The following CCDC141 variants were observed in gnomAD, a reference collection of about 807,000 sequenced individuals.
CCDC141 encodes the protein coiled-coil domain containing 141, also known as coiled-coil domain-containing protein 141.
Under a neutral mutation model 181.0 loss-of-function variants are expected in CCDC141, and 168 were observed. The observed-to-expected ratio is 0.93, with a 90% confidence interval of 0.82 to 1.05. The LOEUF is 1.05. Among genes scored for constraint, CCDC141 ranks in the 50% least tolerant of loss-of-function variants. The pLI is 0.00. For synonymous variants in CCDC141, 666 were observed against 642.3 expected (o/e 1.04, Z -0.56); for missense variants, 1,902 against 1,788.5 (o/e 1.06, Z -1.14).
chr2:178,847,799 T>C (rs1685003688), intron 21 of CCDC141, among the ~76,000 whole-genome samples: 1 of 152,136 alleles, frequency 6.6e-6, no homozygotes. Context: ...ATGATGCCTT[T>C]GGGAAGTGAT....
chr2:178,900,121 G>A (rs966208556), intron 8 of CCDC141, among the ~76,000 whole-genome samples: 21 of 151,974 alleles, frequency 1.4e-4, no homozygotes, highest in African/African-American at 4.4e-4. Flanking sequence ...ATAATATCTC[G>A]AGGAAACCAA....
intron 8 of CCDC141, among the ~76,000 whole-genome samples, chr2:178,896,387 C>T (rs534789953): frequency 4.3e-4 from 66 of 152,236 alleles, no homozygotes; most frequent in African/African-American, 1.3e-3. Flanking sequence ...CCTGACTGGA[C>T]GCGGGACAGG....
chr2:178,883,073 A>C (rs1229198822), intron 11 of CCDC141, among the ~76,000 whole-genome samples: 1 of 152,220 alleles, frequency 6.6e-6, no homozygotes, highest in African/African-American at 2.4e-5. Flanking sequence ...TGCAAAGCTA[A>C]GCCTCCTGGT....
At chr2:178,955,129 C>T (rs1003276002) in intron 5 of CCDC141, among the ~76,000 whole-genome samples, 2 of 151,956 alleles carry the variant, frequency 1.3e-5, no homozygotes, top group Non-Finnish European at 2.9e-5. Flanking sequence ...TACTAAAATA[C>T]AAAAAATATA....
At position 179,013,252 on chromosome 2, in the gene CCDC141, A is replaced by G. The variant is rs145798100; in HGVS notation, c.225+34032T>C. Among the ~76,000 whole-genome samples the G allele has an allele frequency of 2.3e-3, 356 of 152,288 alleles. 1 individual carries two copies. The highest frequency in any genetic ancestry group is 8.3e-3 in the African/African-American group (344 of 41,574). ...CTCCAGAAAGCTCCTAGAACTGATA[A>G]AAGAATGCAGCAAAGTTTCCAGATA... On this transcript the variant is annotated intron_variant, in intron 2 of 23. Transcript: ENST00000443758.
chr2:178,864,082 C>T (rs1685733648), intron 17 of CCDC141, among the ~76,000 whole-genome samples: 1 of 152,192 alleles, frequency 6.6e-6, no homozygotes, highest in Non-Finnish European at 1.5e-5. Flanking sequence ...GAAACGGAGC[C>T]AGAGGGGGCT....
intron 2 of CCDC141, among the ~76,000 whole-genome samples, chr2:178,999,349 T>C (rs914833572): frequency 6.6e-6 from 1 of 152,088 alleles, no homozygotes; most frequent in East Asian, 1.9e-4. Flanking sequence ...ATTTGAACCC[T>C]TTCCTTTCTC....
At chr2:178,823,805 C>A in the CCDC141 span, among the ~76,000 whole-genome samples, 34,175 of 152,046 alleles carry the variant, frequency 0.22, 6,463 homozygotes, top group East Asian at 0.74. Context: ...TCTTGTTTGA[C>A]ATATACAGAT....
chr2:179,041,870 T>C (rs2043317293), intron 2 of CCDC141, among the ~76,000 whole-genome samples: 1 of 152,198 alleles, frequency 6.6e-6, no homozygotes, highest in African/African-American at 2.4e-5. Flanking sequence ...CTGAATATCC[T>C]AAATATATAT....
At chr2:178,904,760 C>T (rs1333736961) in intron 8 of CCDC141, among the ~76,000 whole-genome samples, 1 of 152,114 alleles carries the variant, frequency 6.6e-6, no homozygotes, top group Admixed American at 6.5e-5. Flanking sequence ...GCCCACTAAG[C>T]TCAACATTGA....
At chr2:179,015,569 C>CATATATCTCAT (rs1205827478) in intron 2 of CCDC141, among the ~76,000 whole-genome samples, 18 of 46,642 alleles carry the variant, frequency 3.9e-4, no homozygotes, top group African/African-American at 1.1e-3. Flanking sequence ...ATATATATCT[C>CATATATCTCAT]ATATATCTCA....
chr2:179,042,303 C>T (rs2043331340), intron 2 of CCDC141, among the ~76,000 whole-genome samples: 1 of 152,174 alleles, frequency 6.6e-6, no homozygotes, highest in Admixed American at 6.5e-5. Flanking sequence ...CAATGTGCCC[C>T]AGGATGACTC....
At chr2:179,013,179 CCT>C (rs768872364) in intron 2 of CCDC141, among the ~76,000 whole-genome samples, 2 of 152,000 alleles carry the variant, frequency 1.3e-5, no homozygotes, top group Non-Finnish European at 2.9e-5. Context: ...TCAAACTGCC[CCT>C]GTTTGCTGAC....
At position 178,843,016 on chromosome 2, in the gene CCDC141, C is replaced by T. The variant is rs536646212; in HGVS notation, c.3474+2610G>A. The stretch of plus-strand genomic sequence containing the variant: ...GGGGGAGTGCAGGGACCCTCCTCAC[C>T]TAGTCTGATAAGAGCACTCCACTGA... On this transcript the variant is annotated intron_variant, in intron 22 of 23. Transcript: ENST00000443758. 2.1e-3 allele frequency among the ~76,000 whole-genome samples: 313 copies of T among 152,180 alleles called. 1 individual carries two copies. The highest frequency in any genetic ancestry group is 7.0e-3 in the African/African-American group (292 of 41,506).
At chr2:179,016,203 T>G (rs1575351453) in intron 2 of CCDC141, among the ~76,000 whole-genome samples, 2 of 125,830 alleles carry the variant, frequency 1.6e-5, no homozygotes, top group South Asian at 3.2e-4. Context: ...GGGGGAAGAG[T>G]GAGGGGGGTG....
At chr2:178,911,215 A>G (rs375100759) in intron 7 of CCDC141, among the ~76,000 whole-genome samples, 3 of 152,256 alleles carry the variant, frequency 2.0e-5, no homozygotes. Flanking sequence ...GAACAAAAGC[A>G]TTACATCACA....
intron 2 of CCDC141, among the ~76,000 whole-genome samples, chr2:179,036,508 C>G (rs75939947): frequency 0.081 from 12,362 of 152,236 alleles, 520 homozygotes; most frequent in Admixed American, 0.089. Context: ...CACTGCACTG[C>G]TCCCTTCTAG....
In CCDC141 at chr2:179,050,122, TGA is replaced by T. The variant is rs1231245495; in HGVS notation, c.-183_-182del. ...ATAGACAACCCCATTGAGTTTATCG[TGA>T]GAGAGAAAGGAGCGAACGAGAGAGA... On this transcript the variant is annotated 5_prime_UTR_variant, in exon 1 of 24. Coordinates refer to ENST00000443758, the MANE Select transcript of CCDC141 (RefSeq NM_173648.4). The T allele has an allele frequency of 1.1e-6, 1 of 911,812 alleles. No homozygotes were observed. Among genetic ancestry groups the T allele is most frequent in the Non-Finnish European group, 1.6e-6 (1 of 641,630 alleles). The allele number at this position is 911,812 out of a possible 1,614,324, so 56.5% of individuals were successfully genotyped here. A position where few individuals can be genotyped will look rare whatever the true frequency, so the allele number is the denominator to read the frequency against.
intron 6 of CCDC141, among the ~76,000 whole-genome samples, chr2:178,941,371 T>A (rs1027518401): frequency 1.3e-5 from 2 of 152,298 alleles, no homozygotes; most frequent in Middle Eastern, 3.4e-3. Context: ...CCTGAAGTCT[T>A]AATAGCCAGT....
Sources: gnomAD v4.1 joint callset for allele counts (sites outside exome capture counted in the v4.1 genomes callset) on GRCh38, gnomAD v4.1.1 for gene constraint, MANE v1.5 for transcripts, NCBI Gene and HGNC (gene_info 2026-07-23, HGNC 2026-07-21) for gene names.